Variants in DMGDH observed in about 807,000 individuals in gnomAD.
The protein encoded by DMGDH is dimethylglycine dehydrogenase, also known as dimethylglycine dehydrogenase, mitochondrial.
DMGDH carries 76 observed loss-of-function variants against 95.2 expected under a neutral mutation model. The ratio of observed to expected loss-of-function variants is 0.80; its 90% CI spans 0.66 to 0.97. The LOEUF (loss-of-function observed/expected upper bound fraction) is 0.97. Among genes scored for constraint, DMGDH ranks in the 50% least tolerant of loss-of-function variants. DMGDH has a pLI of 0.00. For missense variants in DMGDH, 987 were observed against 1,055.0 expected, an observed-to-expected ratio of 0.94 and a Z score of 0.89; for synonymous variants, 345 against 377.6, an observed-to-expected ratio of 0.91 and a Z score of 1.00.
In DMGDH at chr5:79,028,547, C is replaced by T. The variant is rs751531616; in HGVS notation, c.1918G>A (p.Val640Ile). 2.5e-6 allele frequency: 4 copies of T among 1,614,082 alleles called. No individual in the cohort carries two copies. Among genetic ancestry groups the T allele is most frequent in the South Asian group, 1.1e-5 (1 of 91,074 alleles). Residue 640 changes from valine to isoleucine, a missense_variant, in exon 12 of 16, where the codon GTC (valine) becomes ATC (isoleucine). Val to Ile is a conservative substitution (Grantham distance 29). Transcript: ENST00000255189. ...TCTTCAGAGGTCAGTTTCTGAAGGA[C>T]CTTTCTTGCCTGTGGCCCAGCAACT... ...LGVAGPQARK[V>I]LQKLTSEDLS...
intron 14 of DMGDH, among the ~76,000 whole-genome samples, chr5:79,008,258 G>C (rs1186392156): frequency 6.6e-6 from 1 of 152,176 alleles, no homozygotes; most frequent in Non-Finnish European, 1.5e-5. Flanking sequence ...GGAGAGCGGG[G>C]ATCGGGGCAT....
intron 10 of DMGDH, 186 bp downstream of exon 10, chr5:79,030,647 C>CAAAAAAAAAAAAAAAA (rs59687681): frequency 1.8e-5 from 7 of 386,340 alleles, no homozygotes; most frequent in East Asian, 1.0e-4. Context: ...CTCTGTCTCT[C>CAAAAAAAAAAAAAAAA]AAAAAAAAAA....
intron 14 of DMGDH, among the ~76,000 whole-genome samples, chr5:79,018,827 T>A (rs1753797444): frequency 6.6e-6 from 1 of 152,236 alleles, no homozygotes; most frequent in Non-Finnish European, 1.5e-5. Flanking sequence ...TACTGTTTCA[T>A]AACAGAAATT....
chr5:79,045,161 T>A (rs539389776), intron 5 of DMGDH, among the ~76,000 whole-genome samples: 2 of 152,296 alleles, frequency 1.3e-5, no homozygotes, highest in African/African-American at 4.8e-5. Context: ...TCTGTTGTTT[T>A]AAAAGTTTAG....
At chr5:79,024,999 T>C (rs992306267) in intron 13 of DMGDH, among the ~76,000 whole-genome samples, 2 of 152,250 alleles carry the variant, frequency 1.3e-5, no homozygotes, top group Non-Finnish European at 2.9e-5. Flanking sequence ...CTGCATAAAC[T>C]AAATGAAAGT....
chr5:79,003,718 G>C (rs1326943375), intron 15 of DMGDH, among the ~76,000 whole-genome samples: 1 of 152,182 alleles, frequency 6.6e-6, no homozygotes, highest in Non-Finnish European at 1.5e-5. Context: ...GGGAGGCCAA[G>C]GTGGGTGTAT....
At chr5:79,032,101 T>C (rs1561216707) in intron 9 of DMGDH, among the ~76,000 whole-genome samples, 1 of 152,206 alleles carries the variant, frequency 6.6e-6, no homozygotes, top group East Asian at 1.9e-4. Context: ...AAATATATAA[T>C]CACTATTAAT....
chr5:79,018,403 CA>C (rs1043360916), intron 14 of DMGDH, among the ~76,000 whole-genome samples: 1 of 151,566 alleles, frequency 6.6e-6, no homozygotes. Context: ...AATTAACACA[CA>C]AAAAAAGTAT....
chr5:79,041,173 GC>G (rs1167704382), intron 7 of DMGDH, among the ~76,000 whole-genome samples: 11 of 152,178 alleles, frequency 7.2e-5, no homozygotes, highest in African/African-American at 2.7e-4. Flanking sequence ...AGTCTTCACT[GC>G]TGCTACCTTG....
chr5:79,030,722 G>T, intron 10 of DMGDH, 111 bp downstream of exon 10: 2 of 1,087,180 alleles, frequency 1.8e-6, no homozygotes, highest in Non-Finnish European at 2.7e-6. Context: ...TTGGTCAGTT[G>T]AAGAGTTCTA....
rs542285470 is a variant in DMGDH at position 79,013,473 on chromosome 5, C to T, written c.2251-8066G>A. Among the ~76,000 whole-genome samples, 4 of 152,292 alleles carry T rather than the reference C, an allele frequency of 2.6e-5. No homozygotes were observed. The East Asian group carries it at 5.8e-4, about 22-fold the overall frequency. The stretch of plus-strand genomic sequence containing the variant: ...TTCCTGTCTTCTTCTGAGCCCTCCA[C>T]ATCCTTCTAACCTCTGCCCATTACC... On this transcript the variant is annotated intron_variant, in intron 14 of 15. Coordinates refer to ENST00000255189, the MANE Select transcript of DMGDH (RefSeq NM_013391.3).
At chr5:79,025,687 A>G (rs1264193972) in intron 13 of DMGDH, among the ~76,000 whole-genome samples, 1 of 152,164 alleles carries the variant, frequency 6.6e-6, no homozygotes, top group Non-Finnish European at 1.5e-5. Flanking sequence ...ATCTTTTACC[A>G]CTATCCCTTA....
At chr5:79,069,325 T>C (rs896488532) in intron 1 of DMGDH, among the ~76,000 whole-genome samples, 195 bp downstream of exon 1, 1 of 152,214 alleles carries the variant, frequency 6.6e-6, no homozygotes, top group African/African-American at 2.4e-5. Flanking sequence ...GCCAAGGGGA[T>C]TGGGGCAGGA....
At chr5:79,037,329 A>C (rs1754372926) in intron 7 of DMGDH, among the ~76,000 whole-genome samples, 1 of 152,202 alleles carries the variant, frequency 6.6e-6, no homozygotes, top group Non-Finnish European at 1.5e-5. Context: ...TCTGCTTTTT[A>C]ACGTGCTCCT....
chr5:79,001,790 C>T (rs1301404106), intron 15 of DMGDH, among the ~76,000 whole-genome samples: 2 of 152,224 alleles, frequency 1.3e-5, no homozygotes, highest in Non-Finnish European at 2.9e-5. Flanking sequence ...AATTTACTTT[C>T]ATTTCTACTT....
chr5:79,024,618 C>A (rs1753949433), intron 13 of DMGDH, among the ~76,000 whole-genome samples: 1 of 152,144 alleles, frequency 6.6e-6, no homozygotes, highest in South Asian at 2.1e-4. Flanking sequence ...CGTGATGTTT[C>A]TTCTAGAAAC....
chr5:79,019,659 T>C (rs1580190496), intron 14 of DMGDH, among the ~76,000 whole-genome samples: 1 of 152,138 alleles, frequency 6.6e-6, no homozygotes, highest in South Asian at 2.1e-4. Context: ...CTGAGGCAGG[T>C]GGATCACCTG....
At chr5:79,032,961 A>G in intron 8 of DMGDH, 121 bp from the exon 9 acceptor site, 1 of 1,166,912 alleles carries the variant, frequency 8.6e-7, no homozygotes, top group Non-Finnish European at 1.3e-6. Context: ...ACATACATAC[A>G]TATATATGAA....
chr5:79,041,823 T>C (rs1754516202), intron 7 of DMGDH, among the ~76,000 whole-genome samples: 1 of 152,024 alleles, frequency 6.6e-6, no homozygotes, highest in African/African-American at 2.4e-5. Context: ...GGTAAAACCC[T>C]GTCTCTACTA....
Sources: gnomAD v4.1 joint callset for allele counts (sites outside exome capture counted in the v4.1 genomes callset) on GRCh38, gnomAD v4.1.1 for gene constraint, MANE v1.5 for transcripts, NCBI Gene and HGNC (gene_info 2026-07-23, HGNC 2026-07-21) for gene names.